Variants in CLPTM1L observed in about 807,000 individuals in gnomAD.
CLPTM1L encodes the protein CLPTM1 like.
Under a neutral mutation model 70.9 loss-of-function variants are expected in CLPTM1L, and 38 were observed. The ratio of observed to expected loss-of-function variants is 0.54; its 90% CI spans 0.41 to 0.70. CLPTM1L has a LOEUF of 0.70. CLPTM1L is among the 30% of genes least tolerant of loss of function. The pLI, the probability that CLPTM1L is intolerant of heterozygous loss-of-function variation, is 0.00. For synonymous variants in CLPTM1L, 339 were observed against 299.9 expected (o/e 1.13, Z -1.35); for missense variants, 652 against 705.9 (o/e 0.92, Z 0.87).
rs764740652 is a variant in CLPTM1L at position 1,330,298 on chromosome 5, A to G, written c.1062T>C (p.Gly354=). 1.2e-6 allele frequency: 2 copies of G among 1,611,928 alleles called. No homozygotes were observed. The highest frequency in any genetic ancestry group is 2.7e-5 in the African/African-American group (2 of 74,750). ...QTSLLVLVPA[G]VGAAIELWKV... ...AACTCACCTCAATGGCGGCTCCAAC[A>G]CCCGCCGGGACCAGCACCAGCAGGC... The change falls in exon 9 of 17, where the codon GGT becomes GGC. Residue 354 remains glycine (G), a synonymous_variant. Transcript: ENST00000320895.
chr5:1,343,395 C>A (rs1048252564), intron 2 of CLPTM1L, among the ~76,000 whole-genome samples: 5 of 152,184 alleles, frequency 3.3e-5, no homozygotes, highest in Admixed American at 6.5e-5. Flanking sequence ...CTCATTCTCC[C>A]CACTTCCTCC....
intron 3 of CLPTM1L, 136 bp from the exon 4 acceptor site, chr5:1,339,141 C>T (rs1188273174): frequency 3.8e-6 from 4 of 1,043,696 alleles, no homozygotes; most frequent in Non-Finnish European, 5.5e-6. Context: ...GGTCAGCCCC[C>T]TAACCTGTGA....
chr5:1,339,948 G>A (rs1476386752), intron 3 of CLPTM1L, among the ~76,000 whole-genome samples: 4 of 151,592 alleles, frequency 2.6e-5, no homozygotes, highest in African/African-American at 9.7e-5. Flanking sequence ...TGGAAAAACC[G>A]CGCCCGGACA....
Position 1,341,658 on chromosome 5 carries a change from T to C in CLPTM1L, c.453+13A>G. 2 of 1,591,186 alleles carry C rather than the reference T, an allele frequency of 1.3e-6. No homozygotes were observed. The highest frequency in any genetic ancestry group is 1.7e-6 in the Non-Finnish European group (2 of 1,163,012). On this transcript the variant is annotated intron_variant, in intron 3 of 16. Coordinates refer to ENST00000320895, the MANE Select transcript of CLPTM1L (RefSeq NM_030782.5). ...GGCACAGCCTGTTATCAGTAACCCA[T>C]GAAGACCCTCACCTGTGTATCAGAC...
chr5:1,342,098 A>G lies in CLPTM1L; in HGVS notation c.264-238T>C, dbSNP rs1037908205. The stretch of plus-strand genomic sequence containing the variant: ...CACAGGTGTGGGCGCCTACAGCCGA[A>G]AGCAAAACGGCCCGCACTTCCTGCC... On this transcript the variant is annotated intron_variant, in intron 2 of 16. Coordinates refer to ENST00000320895, the MANE Select transcript of CLPTM1L (RefSeq NM_030782.5). The surrounding 1 kb of genome is among the most constrained non-coding windows in gnomAD (Gnocchi z 4.3). Among the ~76,000 whole-genome samples, 3 of 151,512 alleles carry G rather than the reference A, an allele frequency of 2.0e-5. No homozygotes were observed. Among genetic ancestry groups the G allele is most frequent in the African/African-American group, 7.3e-5 (3 of 41,024 alleles).
chr5:1,336,321 G>A (rs915463429), intron 5 of CLPTM1L, among the ~76,000 whole-genome samples: 2 of 152,198 alleles, frequency 1.3e-5, no homozygotes, highest in East Asian at 1.9e-4. Flanking sequence ...CAGCAACAGC[G>A]ACACATGAGA....
rs866765651 is a variant in CLPTM1L at position 1,342,041 on chromosome 5, C to T, written c.264-181G>A. ...GTGTGTGTGTGTGTGTGTGTGTGTG[C>T]ACGCGCACGCGTGCGCGTCCTGAGA... On this transcript the variant is annotated intron_variant, in intron 2 of 16. Transcript: ENST00000320895. This position sits in a 1 kb window ranked among gnomAD's most constrained non-coding sequence, Gnocchi z 4.3. Among the ~76,000 whole-genome samples the T allele has an allele frequency of 1.2e-4, 12 of 99,146 alleles. No individual in the cohort carries two copies. Among genetic ancestry groups the T allele is most frequent in the African/African-American group, 4.4e-4 (8 of 17,990 alleles). The allele number at this position is 99,146 out of a possible 152,430, so 65.0% of individuals were successfully genotyped here.
chr5:1,328,738 TTTCATCCAGCTCCTCCTCTACAGGGACAC>T (rs1752833402), intron 9 of CLPTM1L, among the ~76,000 whole-genome samples: 1 of 149,922 alleles, frequency 6.7e-6, no homozygotes, highest in Non-Finnish European at 1.5e-5. Flanking sequence ...TACAGACACA[TTTCATCCAGCTCCTCCTCTACAGGGACAC>T]TCCATCCAGA....
intron 14 of CLPTM1L, 21 bp from the exon 15 acceptor site, chr5:1,321,700 C>G: frequency 6.2e-7 from 1 of 1,614,000 alleles, no homozygotes; most frequent in South Asian, 1.1e-5. Context: ...AGAGACAGGC[C>G]CAGGTCAGCT....
rs1282200682 is a variant in CLPTM1L at position 1,341,073 on chromosome 5, G to A, written c.453+598C>T. On this transcript the variant is annotated intron_variant, in intron 3 of 16. Transcript: ENST00000320895. Reference sequence around the variant, plus strand: ...GAGCCACTGCGCCCGGCCTTGTTTTGTAAATTATCTCACCTTCCACTCAAC... The same window carrying A: ...GAGCCACTGCGCCCGGCCTTGTTTTATAAATTATCTCACCTTCCACTCAAC... Among the ~76,000 whole-genome samples the A allele has an allele frequency of 2.6e-5, 4 of 152,176 alleles. No individual in the cohort carries two copies. The East Asian group carries it at 5.8e-4, about 22-fold the overall frequency.
intron 16 of CLPTM1L, among the ~76,000 whole-genome samples, chr5:1,319,372 C>T (rs1389399908): frequency 6.7e-6 from 1 of 150,202 alleles, no homozygotes; most frequent in African/African-American, 2.5e-5. Flanking sequence ...GGGGGGCAGC[C>T]GGCGGCCAGG....
chr5:1,336,920 G>A (rs1203659732), intron 5 of CLPTM1L, among the ~76,000 whole-genome samples: 3 of 152,202 alleles, frequency 2.0e-5, no homozygotes, highest in Admixed American at 2.0e-4. Flanking sequence ...GCAGCCAGGT[G>A]CTCGCTTCTC....
Position 1,318,247 on chromosome 5 carries a change from GA to G in CLPTM1L, c.*121del. Reference sequence around the variant, plus strand: ...TGATGGGAACTTGGGAGATGTCTGAGAAATGTCCGAAGGGATTTTGGCAACA... The same window carrying G: ...TGATGGGAACTTGGGAGATGTCTGAGAATGTCCGAAGGGATTTTGGCAACA... On this transcript the variant is annotated 3_prime_UTR_variant, in exon 17 of 17. Transcript: ENST00000320895. This position sits in a 1 kb window ranked among gnomAD's most constrained non-coding sequence, Gnocchi z 8.9. The G allele has an allele frequency of 2.7e-6, 2 of 754,530 alleles. No individual in the cohort carries two copies. The highest frequency in any genetic ancestry group is 1.7e-5 in the South Asian group (1 of 59,314). The allele number at this position is 754,530 out of a possible 1,614,324, so 46.7% of individuals were successfully genotyped here.
chr5:1,318,712 G>C lies in CLPTM1L; in HGVS notation c.1533-259C>G, dbSNP rs997396985. 2.0e-5 allele frequency among the ~76,000 whole-genome samples: 3 copies of C among 152,004 alleles called. No individual in the cohort carries two copies. The highest frequency in any genetic ancestry group is 7.2e-5 in the African/African-American group (3 of 41,386). On this transcript the variant is annotated intron_variant, in intron 16 of 16. Transcript: ENST00000320895. This position sits in a 1 kb window ranked among gnomAD's most constrained non-coding sequence, Gnocchi z 8.9. ...CGAAGGGACGACCCGGAGGCTGCACGGGCTGCCATGGCTGAAGGGGGGACC... is the reference window on the plus strand; with the variant it reads ...CGAAGGGACGACCCGGAGGCTGCACCGGCTGCCATGGCTGAAGGGGGGACC...
chr5:1,322,480 G>T (rs1056374988), intron 13 of CLPTM1L, among the ~76,000 whole-genome samples: 3 of 152,236 alleles, frequency 2.0e-5, no homozygotes, highest in African/African-American at 4.8e-5. Context: ...GACGTGGATG[G>T]TGTTGTTTTA....
intron 4 of CLPTM1L, chr5:1,338,454 T>G: frequency 3.7e-6 from 1 of 268,346 alleles, no homozygotes; most frequent in Non-Finnish European, 7.1e-6. Flanking sequence ...TGAGCTCAGG[T>G]GGCCAAACAC....
intron 15 of CLPTM1L, 70 bp downstream of exon 15, chr5:1,321,565 T>C (rs1056444880): frequency 1.7e-5 from 24 of 1,384,324 alleles, no homozygotes; most frequent in African/African-American, 1.6e-4. Flanking sequence ...AGTAATGCTG[T>C]TGGCTGGAAG....
At chr5:1,332,160 T>G (rs768449808) in intron 7 of CLPTM1L, 142 of 432,900 alleles carry the variant, frequency 3.3e-4, no homozygotes, top group Admixed American at 7.1e-5. Flanking sequence ...TTGGAGGCTC[T>G]GGATTCCCCT....
intron 5 of CLPTM1L, among the ~76,000 whole-genome samples, chr5:1,335,423 T>A (rs1338899433): frequency 6.6e-6 from 1 of 152,196 alleles, no homozygotes; most frequent in East Asian, 1.9e-4. Flanking sequence ...GCGCTAGCAG[T>A]GCCTGGTCTG....
Sources: gnomAD v4.1 joint callset for allele counts (sites outside exome capture counted in the v4.1 genomes callset) on GRCh38, gnomAD v4.1.1 for gene constraint, Gnocchi (gnomAD v3.1) non-coding constraint, MANE v1.5 for transcripts, NCBI Gene and HGNC (gene_info 2026-07-23, HGNC 2026-07-21) for gene names.